IKZF2: variants seen among roughly 807,000 people sequenced by gnomAD.
The protein encoded by IKZF2 is zinc finger protein Helios.
In IKZF2, 15 loss-of-function variants were observed where a neutral mutation model predicts 49.2. That is an observed-to-expected ratio of 0.30 (90% confidence interval 0.20 to 0.47). IKZF2 has a LOEUF of 0.47. Ranked by LOEUF, IKZF2 falls within the 20% of genes least tolerant of loss-of-function variation. IKZF2 has a pLI of 1.00. For synonymous variants in IKZF2, 227 were observed against 221.4 expected (o/e 1.03, Z -0.23); for missense variants, 567 against 664.6 (o/e 0.85, Z 1.61).
At chr2:213,044,644 A>G (rs186749177) in intron 6 of IKZF2, among the ~76,000 whole-genome samples, 1 of 152,348 alleles carries the variant, frequency 6.6e-6, no homozygotes, top group African/African-American at 2.4e-5. Context: ...TTACAGCATG[A>G]TATGGCTGAT....
Position 213,007,930 on chromosome 2 carries a change from C to A in IKZF2, c.1011G>T (p.Met337Ile). 6.2e-7 allele frequency: 1 copy of A among 1,613,514 alleles called. No homozygotes were observed. Among genetic ancestry groups the A allele is most frequent in the Non-Finnish European group, 8.5e-7 (1 of 1,179,708 alleles). ...CAGCGATTGTGCTTGGCGGGTGCTG[C>A]ATCAGAGGGTGAAGGGCCTCAGCTC... ...YLGAEALHPL[M>I]QHPPSTIAEV... The change falls in exon 9 of 9, where the codon ATG becomes ATT. Residue 337 changes from methionine to isoleucine, a missense_variant. By Grantham distance (10) the Met-to-Ile change is conservative. Coordinates refer to ENST00000434687, the MANE Select transcript of IKZF2 (RefSeq NM_001387220.1).
Position 213,101,543 on chromosome 2 carries a change from C to G in IKZF2, c.140-44444G>C, listed in dbSNP as rs867672715. 1.8e-4 allele frequency among the ~76,000 whole-genome samples: 14 copies of G among 78,492 alleles called. 1 individual carries two copies. The highest frequency in any genetic ancestry group is 3.3e-4 in the Non-Finnish European group (13 of 39,542). The allele number at this position is 78,492 out of a possible 152,430, so 51.5% of individuals were successfully genotyped here. On this transcript the variant is annotated intron_variant, in intron 4 of 8. Coordinates refer to ENST00000434687, the MANE Select transcript of IKZF2 (RefSeq NM_001387220.1). ...GACACTACCTACTATTAAGATAATT[C>G]TGAGATTACAAAAAAAAAATTAGTT...
At chr2:213,112,961 C>G (rs2059762866) in intron 4 of IKZF2, among the ~76,000 whole-genome samples, 1 of 152,014 alleles carries the variant, frequency 6.6e-6, no homozygotes, top group Admixed American at 6.5e-5. Context: ...AAACATTTCC[C>G]TTGATCCTAC....
At position 213,104,196 on chromosome 2, in the gene IKZF2, A is replaced by G. The variant is rs545745596; in HGVS notation, c.139+43512T>C. 2.0e-5 allele frequency among the ~76,000 whole-genome samples: 3 copies of G among 152,152 alleles called. No homozygotes were observed. In the East Asian group the frequency reaches 5.8e-4, roughly 29 times the overall value. ...CTGAGGTTACCGCACAAGTGTTTTAAAAGTTTTGTTTTGCTGTGGTTTTAA... is the reference window on the plus strand; with the variant it reads ...CTGAGGTTACCGCACAAGTGTTTTAGAAGTTTTGTTTTGCTGTGGTTTTAA... On this transcript the variant is annotated intron_variant, in intron 4 of 8. Coordinates refer to ENST00000434687, the MANE Select transcript of IKZF2 (RefSeq NM_001387220.1).
At chr2:213,040,428 G>A (rs893137059) in intron 6 of IKZF2, among the ~76,000 whole-genome samples, 2 of 151,834 alleles carry the variant, frequency 1.3e-5, no homozygotes, top group Non-Finnish European at 2.9e-5. Flanking sequence ...TTTATAAAAA[G>A]AAATGTTTAA....
intron 6 of IKZF2, 76 bp from the exon 7 acceptor site, chr2:213,022,206 TAG>T: frequency 7.3e-7 from 1 of 1,363,204 alleles, no homozygotes; most frequent in Non-Finnish European, 9.8e-7. Context: ...TAACTTTTGA[TAG>T]TCTGGAGGAA....
chr2:213,148,631 G>A lies in IKZF2; in HGVS notation c.-2C>T, dbSNP rs143459824. 5.2e-4 allele frequency: 833 copies of A among 1,611,298 alleles called. 3 individuals carry two copies. The highest frequency in any genetic ancestry group is 8.3e-4 in the Middle Eastern group (5 of 6,050). On this transcript the variant is annotated 5_prime_UTR_variant, in exon 3 of 9. Transcript: ENST00000434687. ...GCCATCAATAGCCTCTGTTTCCATA[G>A]TCAAAGTGCAATGCTGCAAAACAAA...
chr2:213,029,067 G>A (rs1302139535), intron 6 of IKZF2, among the ~76,000 whole-genome samples: 4 of 151,936 alleles, frequency 2.6e-5, no homozygotes, highest in African/African-American at 4.8e-5. Context: ...CAGATTCAAT[G>A]TGTTAAAATT....
At chr2:213,124,248 G>GCA (rs1395790655) in intron 4 of IKZF2, among the ~76,000 whole-genome samples, 7,247 of 115,356 alleles carry the variant, frequency 0.063, 609 homozygotes, top group African/African-American at 0.26. Context: ...GCTCGCGCGC[G>GCA]CGCGCACACA....
At chr2:213,122,205 C>G (rs953272416) in intron 4 of IKZF2, among the ~76,000 whole-genome samples, 2 of 152,086 alleles carry the variant, frequency 1.3e-5, no homozygotes, top group African/African-American at 4.8e-5. Flanking sequence ...ACCACCCAAC[C>G]CTAAAGATGC....
intron 4 of IKZF2, chr2:213,081,071 G>A (rs1703898739): frequency 6.5e-6 from 1 of 154,690 alleles, no homozygotes; most frequent in Non-Finnish European, 1.5e-5. Context: ...TTAGGTCTGT[G>A]AAGGCCTAGA....
chr2:213,008,161 A>G, intron 8 of IKZF2, 77 bp from the exon 9 acceptor site: 2 of 1,443,834 alleles, frequency 1.4e-6, no homozygotes, highest in African/African-American at 1.4e-5. Flanking sequence ...TAAAAATATG[A>G]AAGGGTACGA....
At chr2:213,020,875 C>G (rs956732427) in intron 7 of IKZF2, among the ~76,000 whole-genome samples, 1 of 151,994 alleles carries the variant, frequency 6.6e-6, no homozygotes, top group Non-Finnish European at 1.5e-5. Context: ...TGTCGCAATC[C>G]CCAACTATAC....
Position 213,007,360 on chromosome 2 carries a change from C to T in IKZF2, c.1581G>A (p.Ter527=). ...HIVRGEHTFH[*] is the part of the protein sequence containing the mutation. ...GGGGTCCCCTTTGGAATGAAAAGGC[C>T]TAGTGGAATGTGTGCTCCCCTCGAA... Residue 527 remains the stop codon, a stop_retained_variant, in exon 9 of 9, where the codon TAG becomes TAA. Transcript: ENST00000434687. The T allele has an allele frequency of 6.2e-7, 1 of 1,612,252 alleles. No individual in the cohort carries two copies. The highest frequency in any genetic ancestry group is 1.1e-5 in the South Asian group (1 of 90,856).
Position 213,004,170 on chromosome 2 carries a change from T to TAC in IKZF2, c.*3188_*3189dup, listed in dbSNP as rs1402952136. The TAC allele has an allele frequency of 6.6e-6, 1 of 151,864 alleles. No homozygotes were observed. The highest frequency in any genetic ancestry group is 1.9e-4 in the East Asian group (1 of 5,178). 9.4% of individuals were successfully genotyped at this position (151,864 alleles called of 1,614,324 possible). On this transcript the variant is annotated 3_prime_UTR_variant, in exon 9 of 9. Transcript: ENST00000434687. ...TCTTTAAAAGAATGTGTGTGTAGTA[T>TAC]ACACACACATATACCCTATGATTCA...
chr2:213,112,248 CTT>C, intron 4 of IKZF2, among the ~76,000 whole-genome samples: 1 of 151,162 alleles, frequency 6.6e-6, no homozygotes, highest in African/African-American at 2.4e-5. Context: ...ATTAATTCAA[CTT>C]AGTACAGATT....
chr2:213,110,227 T>C (rs1238864121), intron 4 of IKZF2, among the ~76,000 whole-genome samples: 1 of 152,018 alleles, frequency 6.6e-6, no homozygotes, highest in East Asian at 1.9e-4. Flanking sequence ...AGGTAGATAT[T>C]TGAATGGTTC....
chr2:213,034,798 AT>A, intron 6 of IKZF2, among the ~76,000 whole-genome samples: 1 of 152,328 alleles, frequency 6.6e-6, no homozygotes, highest in South Asian at 2.1e-4. Flanking sequence ...GAAAAATGGT[AT>A]CAACCGACTT....
At chr2:213,030,818 T>C (rs2125177787) in intron 6 of IKZF2, among the ~76,000 whole-genome samples, 1 of 150,642 alleles carries the variant, frequency 6.6e-6, no homozygotes, top group South Asian at 2.1e-4. Context: ...TTTTCTTTTT[T>C]TTTTTTTTTT....
Sources: allele counts gnomAD v4.1 joint callset (sites outside exome capture counted in the v4.1 genomes callset), GRCh38; gene constraint gnomAD v4.1.1; transcripts MANE v1.5; gene names NCBI Gene and HGNC (gene_info 2026-07-23, HGNC 2026-07-21).